AKT3: variants seen among roughly 807,000 people sequenced by gnomAD.
AKT3 encodes RAC-gamma serine/threonine-protein kinase.
AKT3 carries 15 observed loss-of-function variants against 65.3 expected under a neutral mutation model. The ratio of observed to expected loss-of-function variants is 0.23; its 90% CI spans 0.15 to 0.35. AKT3 has a LOEUF of 0.35. AKT3 is among the 10% of genes least tolerant of loss of function. The pLI is 1.00. For synonymous variants in AKT3, 206 were observed against 183.8 expected (o/e 1.12, Z -0.98); for missense variants, 243 against 576.5 (o/e 0.42, Z 5.92).
Position 243,649,180 on chromosome 1 carries a change from G to A in AKT3, c.285-3143C>T, listed in dbSNP as rs181411612. The stretch of plus-strand genomic sequence containing the variant: ...TTATAAAAAATTATGTTAATTTCCA[G>A]TAATTGACATCTATTGTCTTACTGT... On this transcript the variant is annotated intron_variant, in intron 4 of 13. Transcript: ENST00000673466. 2.0e-5 allele frequency among the ~76,000 whole-genome samples: 3 copies of A among 152,010 alleles called. No homozygotes were observed. In the East Asian group the frequency reaches 5.8e-4, roughly 29 times the overall value.
intron 12 of AKT3, 54 bp from the exon 13 acceptor site, chr1:243,512,480 C>T (rs1203717971): frequency 2.2e-5 from 25 of 1,138,156 alleles, no homozygotes; most frequent in Non-Finnish European, 3.2e-5. Context: ...CAGGAAAATT[C>T]CTTTCTAGGA....
rs553922365 is a variant in AKT3 at position 243,849,048 on chromosome 1, T to G, written c.-113+992A>C. Among the ~76,000 whole-genome samples the G allele has an allele frequency of 3.9e-5, 6 of 152,332 alleles. No individual in the cohort carries two copies. In the South Asian group the frequency reaches 1.2e-3, roughly 32 times the overall value. On this transcript the variant is annotated intron_variant, in intron 1 of 13. Transcript: ENST00000673466. ...CGAGATTCTTTATCTCTAGGCTAAC[T>G]GTAGATTCCCGGGAAATCCCAAACA...
At chr1:243,803,019 A>T (rs941522910) in intron 2 of AKT3, among the ~76,000 whole-genome samples, 9 of 152,158 alleles carry the variant, frequency 5.9e-5, no homozygotes, top group Non-Finnish European at 1.3e-4. Context: ...ATGGTTGCAT[A>T]CACCTGTAGT....
intron 2 of AKT3, among the ~76,000 whole-genome samples, chr1:243,704,142 C>G (rs1261326962): frequency 6.6e-6 from 1 of 152,124 alleles, no homozygotes; most frequent in Non-Finnish European, 1.5e-5. Context: ...ATTATGAACT[C>G]CTGCCCAGCT....
intron 13 of AKT3, among the ~76,000 whole-genome samples, chr1:243,505,795 C>T (rs551304809): frequency 6.6e-6 from 1 of 152,252 alleles, no homozygotes; most frequent in Admixed American, 6.5e-5. Context: ...AATAAAGCTT[C>T]TTATGAAATT....
At chr1:243,630,678 A>G (rs1229172368) in intron 6 of AKT3, among the ~76,000 whole-genome samples, 1 of 152,140 alleles carries the variant, frequency 6.6e-6, no homozygotes, top group Non-Finnish European at 1.5e-5. Flanking sequence ...TTTAAAAAAA[A>G]AATTATAACA....
chr1:243,494,551 CTT>C (rs1044777031), intron 13 of AKT3, among the ~76,000 whole-genome samples: 1 of 152,176 alleles, frequency 6.6e-6, no homozygotes, highest in African/African-American at 2.4e-5. Context: ...GACAGTTAAA[CTT>C]TTTGTTTTTT....
intron 3 of AKT3, among the ~76,000 whole-genome samples, chr1:243,670,627 AT>A (rs1340736172): frequency 6.6e-6 from 1 of 152,234 alleles, no homozygotes; most frequent in Non-Finnish European, 1.5e-5. Context: ...ATTATCTACG[AT>A]TTTTAGAATC....
intron 4 of AKT3, among the ~76,000 whole-genome samples, chr1:243,656,787 T>G (rs1377645847): frequency 6.6e-6 from 1 of 152,210 alleles, no homozygotes; most frequent in Non-Finnish European, 1.5e-5. Flanking sequence ...GTGAGTGTCG[T>G]GGCCATGGTT....
chr1:243,492,011 T>G (rs1229011301), intron 13 of AKT3, among the ~76,000 whole-genome samples: 2 of 152,156 alleles, frequency 1.3e-5, no homozygotes, highest in Admixed American at 6.5e-5. Flanking sequence ...CTTCCCTCCC[T>G]GTCCTGGGTC....
At chr1:243,656,689 T>A (rs1050479897) in intron 4 of AKT3, among the ~76,000 whole-genome samples, 1 of 152,132 alleles carries the variant, frequency 6.6e-6, no homozygotes, top group Non-Finnish European at 1.5e-5. Context: ...CATTAGTACT[T>A]GGGAAACAAC....
At chr1:243,714,546 C>T (rs919965589) in intron 2 of AKT3, among the ~76,000 whole-genome samples, 1 of 152,130 alleles carries the variant, frequency 6.6e-6, no homozygotes, top group Non-Finnish European at 1.5e-5. Flanking sequence ...GCAGATGTAA[C>T]TCTTCCTCAT....
At position 243,569,501 on chromosome 1, in the gene AKT3, C is replaced by G. The variant is rs138224948; in HGVS notation, c.819+3425G>C. Among the ~76,000 whole-genome samples the G allele has an allele frequency of 2.4e-3, 372 of 152,212 alleles. 7 individuals are homozygous for G. Among genetic ancestry groups the G allele is most frequent in the Admixed American group, 0.021 (327 of 15,294 alleles). ...TCAGCAAGCAAAGCAAGCATGCTTT[C>G]CCCACCCAAACTGCATTTATTTGAA... On this transcript the variant is annotated intron_variant, in intron 9 of 13. Coordinates refer to ENST00000673466, the MANE Select transcript of AKT3 (RefSeq NM_005465.7).
chr1:243,728,324 G>C (rs930005356), intron 2 of AKT3, among the ~76,000 whole-genome samples: 2 of 152,056 alleles, frequency 1.3e-5, no homozygotes, highest in Non-Finnish European at 1.5e-5. Flanking sequence ...TACTATCCTT[G>C]CTTTCTTCCC....
intron 13 of AKT3, among the ~76,000 whole-genome samples, chr1:243,508,100 G>A (rs1669783155): frequency 6.6e-6 from 1 of 152,176 alleles, no homozygotes; most frequent in South Asian, 2.1e-4. Context: ...AGCACTTAGG[G>A]AGCTGCAACG....
At chr1:243,597,193 G>C (rs1162392648) in intron 8 of AKT3, among the ~76,000 whole-genome samples, 1 of 152,020 alleles carries the variant, frequency 6.6e-6, no homozygotes, top group Non-Finnish European at 1.5e-5. Context: ...CTTAAAATGA[G>C]TTCATTTCAT....
At chr1:243,816,506 T>G (rs1291889212) in intron 2 of AKT3, among the ~76,000 whole-genome samples, 3 of 152,142 alleles carry the variant, frequency 2.0e-5, no homozygotes, top group African/African-American at 4.8e-5. Context: ...AACTATTATT[T>G]ATATTCTGAG....
intron 2 of AKT3, among the ~76,000 whole-genome samples, chr1:243,745,116 A>T (rs1477428197): frequency 6.6e-6 from 1 of 152,066 alleles, no homozygotes; most frequent in African/African-American, 2.4e-5. Context: ...AGGCAAGAGG[A>T]TCACTTGAGC....
chr1:243,626,620 T>C (rs1223453483), intron 6 of AKT3, among the ~76,000 whole-genome samples: 1 of 152,172 alleles, frequency 6.6e-6, no homozygotes. Flanking sequence ...TGCACACCTG[T>C]AGGTACAATA....
Sources: allele counts gnomAD v4.1 joint callset (sites outside exome capture counted in the v4.1 genomes callset), GRCh38; gene constraint gnomAD v4.1.1; transcripts MANE v1.5; gene names NCBI Gene and HGNC (gene_info 2026-07-23, HGNC 2026-07-21).